LIMS1: variants seen among roughly 807,000 people sequenced by gnomAD.
LIMS1 encodes the protein LIM and senescent cell antigen-like-containing domain protein 1.
In LIMS1, 18 loss-of-function variants were observed where a neutral mutation model predicts 44.1. The observed-to-expected ratio is 0.41, with a 90% CI of 0.28 to 0.61. LIMS1 has a LOEUF of 0.61. Ranked by LOEUF, LIMS1 falls within the 20% of genes least tolerant of loss-of-function variation. The pLI, the probability that LIMS1 is intolerant of heterozygous loss-of-function variation, is 0.32. For missense variants in LIMS1, 201 were observed against 422.0 expected, an observed-to-expected ratio of 0.48 and a Z score of 4.59; for synonymous variants, 93 against 149.1, an observed-to-expected ratio of 0.62 and a Z score of 2.74.
chr2:108,682,413 T>C (rs1354895376), intron 9 of LIMS1, among the ~76,000 whole-genome samples: 1 of 151,976 alleles, frequency 6.6e-6, no homozygotes, highest in African/African-American at 2.4e-5. Context: ...GACAGGAGAA[T>C]CGCTTGAACC....
At chr2:108,568,950 G>A (rs1192550971) in intron 1 of LIMS1, among the ~76,000 whole-genome samples, 1 of 151,946 alleles carries the variant, frequency 6.6e-6, no homozygotes, top group East Asian at 1.9e-4. Flanking sequence ...AGAGTGCAGT[G>A]GCACAATCTC....
intron 1 of LIMS1, among the ~76,000 whole-genome samples, chr2:108,586,135 T>C (rs1686091502): frequency 6.6e-6 from 1 of 151,900 alleles, no homozygotes; most frequent in African/African-American, 2.4e-5. Flanking sequence ...GAGCTTGCAG[T>C]GAGCTGAGAT....
chr2:108,580,150 T>A (rs1447458083), intron 1 of LIMS1, among the ~76,000 whole-genome samples: 1 of 152,208 alleles, frequency 6.6e-6, no homozygotes, highest in African/African-American at 2.4e-5. Flanking sequence ...GGGCTGAACT[T>A]ACAGGTCTCT....
intron 2 of LIMS1, chr2:108,662,730 C>A (rs1691464975): frequency 1.1e-6 from 1 of 934,754 alleles, no homozygotes; most frequent in African/African-American, 1.8e-5. Flanking sequence ...GAAACTTACC[C>A]AGTTTGCCTT....
chr2:108,658,968 G>T (rs1691129117), intron 1 of LIMS1, among the ~76,000 whole-genome samples: 2 of 152,276 alleles, frequency 1.3e-5, no homozygotes, highest in East Asian at 1.9e-4. Flanking sequence ...AACCTGTTTT[G>T]CCATCTGTAA....
chr2:108,606,681 T>C (rs552594898), intron 1 of LIMS1, among the ~76,000 whole-genome samples: 1 of 152,230 alleles, frequency 6.6e-6, no homozygotes, highest in East Asian at 1.9e-4. Flanking sequence ...TGCAACAAAA[T>C]AGATTTGTCT....
intron 1 of LIMS1, among the ~76,000 whole-genome samples, chr2:108,612,265 C>T (rs1687698845): frequency 6.6e-6 from 1 of 151,900 alleles, no homozygotes; most frequent in Admixed American, 6.6e-5. Flanking sequence ...GGCTGCTTGA[C>T]CAGCTTGAGC....
At chr2:108,655,076 TG>T in intron 1 of LIMS1, 1 of 1,611,562 alleles carries the variant, frequency 6.2e-7, no homozygotes, top group Non-Finnish European at 8.5e-7. Context: ...GCACCCACGA[TG>T]GCCTTCTCAG....
At chr2:108,557,465 T>C (rs1053182011) in intron 1 of LIMS1, among the ~76,000 whole-genome samples, 26 of 152,042 alleles carry the variant, frequency 1.7e-4, no homozygotes, top group Admixed American at 6.6e-5. Flanking sequence ...TTATAAGATA[T>C]CGAACATATG....
At chr2:108,602,591 C>T (rs1687073675) in intron 1 of LIMS1, among the ~76,000 whole-genome samples, 1 of 152,114 alleles carries the variant, frequency 6.6e-6, no homozygotes, top group Admixed American at 6.5e-5. Flanking sequence ...TGATGTATCA[C>T]ATTGATTGAT....
chr2:108,552,585 G>GGTGTGTGTGTGT lies in LIMS1; in HGVS notation c.32+18008_32+18019dup, dbSNP rs151262934. Among the ~76,000 whole-genome samples, 553 of 101,898 alleles carry GGTGTGTGTGTGT rather than the reference G, an allele frequency of 5.4e-3. 4 individuals are homozygous for GGTGTGTGTGTGT. The highest frequency in any genetic ancestry group is 0.024 in the South Asian group (87 of 3,574). 66.8% of individuals were successfully genotyped at this position (101,898 alleles called of 152,430 possible). ...TTGGGGTGTATATATATATATTTTGGGTGTGTGTGTGTGTGTGTGTGTGTG... is the reference window on the plus strand; with the variant it reads ...TTGGGGTGTATATATATATATTTTGGGTGTGTGTGTGTGTGTGTGTGTGTGTGTGTGTGTGTG... On this transcript the variant is annotated intron_variant, in intron 1 of 9. Transcript: ENST00000544547.
intron 1 of LIMS1, among the ~76,000 whole-genome samples, chr2:108,591,364 C>T (rs1179889759): frequency 1.3e-5 from 2 of 152,004 alleles, no homozygotes; most frequent in African/African-American, 4.8e-5. Context: ...TTGTCAGAGG[C>T]GTGGGAAGGA....
chr2:108,598,973 A>T (rs1198355711), intron 1 of LIMS1, among the ~76,000 whole-genome samples: 1 of 152,044 alleles, frequency 6.6e-6, no homozygotes, highest in Non-Finnish European at 1.5e-5. Flanking sequence ...TTTCTGTTTA[A>T]TTATTTTATT....
chr2:108,625,104 G>A (rs1688486912), intron 1 of LIMS1, among the ~76,000 whole-genome samples: 2 of 152,196 alleles, frequency 1.3e-5, no homozygotes, highest in South Asian at 4.2e-4. Flanking sequence ...ATATATATAG[G>A]GGCAGGTGAA....
At chr2:108,543,916 A>G (rs540490013) in intron 1 of LIMS1, among the ~76,000 whole-genome samples, 123 of 152,224 alleles carry the variant, frequency 8.1e-4, no homozygotes, top group African/African-American at 2.8e-3. Context: ...AGTTTGGTCC[A>G]GGAAGAGTCC....
chr2:108,682,268 T>C (rs1319778930), intron 9 of LIMS1, among the ~76,000 whole-genome samples: 2 of 152,120 alleles, frequency 1.3e-5, no homozygotes, highest in Non-Finnish European at 2.9e-5. Flanking sequence ...ATCCCAGCAC[T>C]TTGAGATGCC....
chr2:108,573,493 G>T (rs1364681610), intron 1 of LIMS1, among the ~76,000 whole-genome samples: 2 of 152,024 alleles, frequency 1.3e-5, no homozygotes, highest in South Asian at 2.1e-4. Flanking sequence ...TTATTTCTAG[G>T]TGATCCTCAA....
intron 1 of LIMS1, among the ~76,000 whole-genome samples, chr2:108,613,310 G>A (rs1017378718): frequency 6.6e-6 from 1 of 152,140 alleles, no homozygotes; most frequent in Non-Finnish European, 1.5e-5. Context: ...TAGAGTCAAA[G>A]TAGGTTTAAA....
At chr2:108,539,364 C>T (rs948915391) in intron 1 of LIMS1, among the ~76,000 whole-genome samples, 17 of 152,320 alleles carry the variant, frequency 1.1e-4, no homozygotes, top group Middle Eastern at 3.4e-3. Flanking sequence ...GGATTACAGG[C>T]GCGAGCCACT....
Sources: gnomAD v4.1 joint callset for allele counts (sites outside exome capture counted in the v4.1 genomes callset) on GRCh38, gnomAD v4.1.1 for gene constraint, MANE v1.5 for transcripts, NCBI Gene and HGNC (gene_info 2026-07-23, HGNC 2026-07-21) for gene names.